The following CPSF2 variants were observed in gnomAD, a reference collection of about 807,000 sequenced individuals.
CPSF2 encodes the protein cleavage and polyadenylation specific factor 2.
A neutral mutation model predicts 84.2 loss-of-function variants in CPSF2; 51 were observed. That is an observed-to-expected ratio of 0.61 (90% CI 0.48 to 0.77). CPSF2 has a LOEUF of 0.77. Ranked by LOEUF, CPSF2 falls within the 30% of genes least tolerant of loss-of-function variation. CPSF2 has a pLI of 0.00. For synonymous variants in CPSF2, 286 were observed against 311.9 expected (o/e 0.92, Z 0.87); for missense variants, 641 against 929.4 (o/e 0.69, Z 4.03).
intron 9 of CPSF2, among the ~76,000 whole-genome samples, chr14:92,146,223 T>TA (rs1242160239): frequency 6.6e-6 from 1 of 151,948 alleles, no homozygotes; most frequent in African/African-American, 2.4e-5. Context: ...ATAGAAATGG[T>TA]AAAAAAAGAA....
chr14:92,159,229 AC>A lies in CPSF2; in HGVS notation c.2069del (p.Thr690LysfsTer27). The A allele has an allele frequency of 6.2e-7, 1 of 1,613,332 alleles. No homozygotes were observed. The highest frequency in any genetic ancestry group is 8.5e-7 in the Non-Finnish European group (1 of 1,179,644). ...TCTGTTCGGAGATGATGAAAAAGAA[AC>A]AGGTGAAGAAAGTGAGATCATTCCT... is the stretch of plus-strand genomic sequence containing the variant. ...KSLFGDDEKE[T>X]GEESEIIPTL... On this transcript the variant is annotated frameshift_variant, in exon 14 of 16. Transcript: ENST00000298875. LOFTEE classifies it high-confidence loss of function.
At chr14:92,152,875 A>C (rs1159510408) in intron 9 of CPSF2, among the ~76,000 whole-genome samples, 1 of 152,124 alleles carries the variant, frequency 6.6e-6, no homozygotes, top group Non-Finnish European at 1.5e-5. Context: ...TAGGAGTCTA[A>C]GGTAGTCCTG....
rs1462292112 is a variant in CPSF2, at chr14:92,155,338, C to A, written c.1442+15C>A. 1 of 1,593,514 alleles carries A rather than the reference C, an allele frequency of 6.3e-7. No individual in the cohort carries two copies. The highest frequency in any genetic ancestry group is 8.6e-7 in the Non-Finnish European group (1 of 1,161,498). On this transcript the variant is annotated intron_variant, in intron 11 of 15. Coordinates refer to ENST00000298875, the MANE Select transcript of CPSF2 (RefSeq NM_017437.3). ...GAGATTATCAAGTATGTGAGCAAAACAAACTTTTCTCTCTTACAAATTGGA... is the reference window on the plus strand; with the variant it reads ...GAGATTATCAAGTATGTGAGCAAAAAAAACTTTTCTCTCTTACAAATTGGA...
In CPSF2 at chr14:92,156,539, A is replaced by G. The variant is rs1290274585; in HGVS notation, c.1503A>G (p.Glu501=). 1.2e-6 allele frequency: 2 copies of G among 1,613,232 alleles called. No homozygotes were observed. The highest frequency in any genetic ancestry group is 2.2e-5 in the East Asian group (1 of 44,796). ...QATEEEKSKL[E]SGLTNGDEPM... is the part of the protein sequence containing the mutation. ...CTGAAGAAGAAAAAAGCAAATTAGA[A>G]TCTGGTTTGACAAATGGAGATGAAC... The change falls in exon 12 of 16, where the codon GAA becomes GAG. Residue 501 remains glutamate (E), a synonymous_variant. Transcript: ENST00000298875.
At chr14:92,156,773 G>GTATTTTGTATGT in intron 12 of CPSF2, 142 bp downstream of exon 12, 1 of 542,742 alleles carries the variant, frequency 1.8e-6, no homozygotes, top group Non-Finnish European at 3.1e-6. Flanking sequence ...TTTGTATGAA[G>GTATTTTGTATGT]AGACTTGTGA....
rs1255203913 is a variant in CPSF2, at chr14:92,156,611, A to C, written c.1575A>C (p.Thr525=). The change falls in exon 12 of 16, where the codon ACA becomes ACC. Residue 525 remains threonine, a synonymous_variant. Coordinates refer to ENST00000298875, the MANE Select transcript of CPSF2 (RefSeq NM_017437.3). ...LSDVPTKCIS[T]TESIEIKARV... is the part of the protein sequence containing the mutation. ...ATGTTCCTACTAAATGTATTTCTAC[A>C]ACAGAGTCTATTGAAATAAAGTAAG... is the stretch of plus-strand genomic sequence containing the variant. The C allele has an allele frequency of 1.3e-6, 2 of 1,593,300 alleles. No individual in the cohort carries two copies. The highest frequency in any genetic ancestry group is 1.1e-5 in the South Asian group (1 of 88,248).
intron 7 of CPSF2, among the ~76,000 whole-genome samples, chr14:92,139,948 C>CTTTT (rs1331887317): frequency 1.7e-5 from 2 of 115,846 alleles, no homozygotes; most frequent in African/African-American, 6.9e-5. Context: ...AAAAGTACAA[C>CTTTT]TATTTTTTTT....
chr14:92,129,039 A>C (rs978059812), intron 2 of CPSF2, among the ~76,000 whole-genome samples: 1 of 152,210 alleles, frequency 6.6e-6, no homozygotes, highest in Non-Finnish European at 1.5e-5. Flanking sequence ...GGGTGGCAAG[A>C]GCTTTAATGG....
At chr14:92,141,808 G>C (rs1023414855) in intron 7 of CPSF2, among the ~76,000 whole-genome samples, 1 of 152,080 alleles carries the variant, frequency 6.6e-6, no homozygotes, top group African/African-American at 2.4e-5. Context: ...GCGAGACCAG[G>C]GTAGCCCGGA....
chr14:92,142,148 C>T lies in CPSF2; in HGVS notation c.662-16C>T, dbSNP rs755432288. 7 of 1,572,328 alleles carry T rather than the reference C, an allele frequency of 4.5e-6. No homozygotes were observed. In the South Asian group the frequency reaches 8.1e-5, roughly 18 times the overall value. On this transcript the variant is annotated splice_polypyrimidine_tract_variant and intron_variant, in intron 7 of 15. Transcript: ENST00000298875. ...ATTGTTACGTTCTATGGGGATTTTA[C>T]ATTCTTGTTTTCTAGCAAATGTCCT...
chr14:92,123,961 G>T (rs2068813734), intron 1 of CPSF2, among the ~76,000 whole-genome samples: 1 of 152,136 alleles, frequency 6.6e-6, no homozygotes. Flanking sequence ...TTTGCCTAGG[G>T]CAACAAAAAG....
intron 9 of CPSF2, among the ~76,000 whole-genome samples, chr14:92,143,805 C>G (rs558971986): frequency 6.6e-6 from 1 of 152,142 alleles, no homozygotes; most frequent in Non-Finnish European, 1.5e-5. Context: ...AAGACGTTGT[C>G]TCATTATGTT....
chr14:92,152,639 A>T (rs1302628226), intron 9 of CPSF2, among the ~76,000 whole-genome samples: 1 of 151,282 alleles, frequency 6.6e-6, no homozygotes, highest in Non-Finnish European at 1.5e-5. Flanking sequence ...GGGTTTCACC[A>T]TGTTGGCCAG....
At chr14:92,158,958 C>A in intron 13 of CPSF2, 25 bp from the exon 14 acceptor site, 1 of 1,562,206 alleles carries the variant, frequency 6.4e-7, no homozygotes, top group Non-Finnish European at 8.7e-7. Flanking sequence ...GGTTTTATTT[C>A]TCTCCCCCTC....
chr14:92,154,254 A>C, intron 9 of CPSF2, 104 bp from the exon 10 acceptor site: 1 of 706,848 alleles, frequency 1.4e-6, no homozygotes, highest in East Asian at 2.8e-5. Context: ...ATCAGTTTAA[A>C]GATGATAGAG....
chr14:92,139,168 A>G (rs2069040225), intron 7 of CPSF2, among the ~76,000 whole-genome samples: 1 of 152,174 alleles, frequency 6.6e-6, no homozygotes, highest in African/African-American at 2.4e-5. Flanking sequence ...CTGTAATCCC[A>G]CCACTTTGGG....
At chr14:92,159,833 A>G (rs1294626619) in intron 14 of CPSF2, among the ~76,000 whole-genome samples, 1 of 151,512 alleles carries the variant, frequency 6.6e-6, no homozygotes, top group Non-Finnish European at 1.5e-5. Flanking sequence ...TTTAAGGTAC[A>G]TAATTGTTTC....
chr14:92,125,868 T>C (rs191191171), intron 1 of CPSF2, among the ~76,000 whole-genome samples: 1 of 152,290 alleles, frequency 6.6e-6, no homozygotes, highest in East Asian at 1.9e-4. Context: ...CCACCTCTTC[T>C]ATGATTCTCA....
chr14:92,126,489 G>A (rs553463562), intron 2 of CPSF2, among the ~76,000 whole-genome samples: 1 of 152,160 alleles, frequency 6.6e-6, no homozygotes, highest in Non-Finnish European at 1.5e-5. Context: ...TCATCAAATA[G>A]AGAATTAATG....
Sources: allele counts gnomAD v4.1 joint callset (sites outside exome capture counted in the v4.1 genomes callset), GRCh38; gene constraint gnomAD v4.1.1; transcripts MANE v1.5; gene names NCBI Gene and HGNC (gene_info 2026-07-23, HGNC 2026-07-21).